NOSTRIN: variants seen among roughly 807,000 people sequenced by gnomAD.
NOSTRIN encodes nitric oxide synthase trafficking, also known as BM247 homolog.
Under a neutral mutation model 59.0 loss-of-function variants are expected in NOSTRIN, and 63 were observed. The observed-to-expected ratio is 1.07, with a 90% CI of 0.87 to 1.32. The LOEUF is 1.32. Among genes scored for constraint, NOSTRIN ranks in the 40% most tolerant of loss-of-function variants. The pLI is 0.00. For missense variants in NOSTRIN, 512 were observed against 473.1 expected (o/e 1.08, Z -0.76); for synonymous variants, 200 against 165.4 (o/e 1.21, Z -1.61).
chr2:168,840,878 T>A (rs2105708379), intron 7 of NOSTRIN, among the ~76,000 whole-genome samples: 1 of 152,280 alleles, frequency 6.6e-6, no homozygotes, highest in South Asian at 2.1e-4. Context: ...ACTACAGATG[T>A]ATGAAATAAG....
At chr2:168,837,283 A>T in intron 7 of NOSTRIN, among the ~76,000 whole-genome samples, 1 of 133,012 alleles carries the variant, frequency 7.5e-6, no homozygotes, top group African/African-American at 2.8e-5. Flanking sequence ...TTTTTTTATA[A>T]TACACTTTTT....
intron 1 of NOSTRIN, among the ~76,000 whole-genome samples, chr2:168,809,677 T>C (rs1208405244): frequency 2.0e-5 from 3 of 150,632 alleles, no homozygotes; most frequent in African/African-American, 4.9e-5. Context: ...AAGGAGGCCT[T>C]AATAGTATCA....
At chr2:168,797,079 C>CTTTTTTTTTTTTTT (rs775176252), upstream of NOSTRIN, among the ~76,000 whole-genome samples, 51 of 75,028 alleles carry the variant, frequency 6.8e-4, 2 homozygotes, top group African/African-American at 1.9e-3. Flanking sequence ...TTTCTTTTTT[C>CTTTTTTTTTTTTTT]TTTTTTTTTT....
At chr2:168,801,250 T>C (rs1218318235), upstream of NOSTRIN, 2 of 150,258 alleles carry the variant, frequency 1.3e-5, no homozygotes, top group African/African-American at 4.9e-5. Flanking sequence ...ACGTTGTTTC[T>C]GGAAGCTTTT....
intron 8 of NOSTRIN, chr2:168,850,788 C>A: frequency 1.3e-6 from 1 of 753,176 alleles, no homozygotes; most frequent in Non-Finnish European, 2.2e-6. Context: ...ATGATTGTGT[C>A]TCAAATGCTT....
chr2:168,852,289 G>T (rs1219214793), intron 10 of NOSTRIN, among the ~76,000 whole-genome samples: 1 of 152,048 alleles, frequency 6.6e-6, no homozygotes, highest in Non-Finnish European at 1.5e-5. Flanking sequence ...GATTATCGGA[G>T]GCTTATTTTG....
chr2:168,830,832 G>A (rs1687319413), intron 5 of NOSTRIN, among the ~76,000 whole-genome samples: 2 of 152,212 alleles, frequency 1.3e-5, no homozygotes, highest in South Asian at 2.1e-4. Context: ...ATGGATTGAC[G>A]TGGAAGATGA....
intron 2 of NOSTRIN, among the ~76,000 whole-genome samples, chr2:168,790,112 G>A (rs3845726): frequency 6.6e-6 from 1 of 152,166 alleles, no homozygotes; most frequent in South Asian, 2.1e-4. Context: ...CAAAGACATC[G>A]CTCTTTGCCT....
At chr2:168,856,184 C>G in intron 11 of NOSTRIN, 1 of 224,142 alleles carries the variant, frequency 4.5e-6, no homozygotes, top group Non-Finnish European at 9.0e-6. Flanking sequence ...ACCAGCACTT[C>G]TCAAATTTCA....
chr2:168,790,343 G>T (rs938981273), intron 2 of NOSTRIN, among the ~76,000 whole-genome samples: 1 of 152,166 alleles, frequency 6.6e-6, no homozygotes, highest in African/African-American at 2.4e-5. Flanking sequence ...CTAGTTTCAA[G>T]GTGTACGTCA....
chr2:168,790,746 A>G (rs538291124), intron 2 of NOSTRIN, among the ~76,000 whole-genome samples: 6 of 152,320 alleles, frequency 3.9e-5, no homozygotes, highest in African/African-American at 1.4e-4. Flanking sequence ...AGGCAGGACA[A>G]TTGGTGGAAC....
In NOSTRIN at chr2:168,813,725, G is replaced by C. The variant is rs75041997; in HGVS notation, c.113+2073G>C. On this transcript the variant is annotated intron_variant, in intron 2 of 15. Transcript: ENST00000317647. ...AATTTGAACATCTCAAGAGTCTACT[G>C]GTTAGCAAAATTACAAAGCACATTC... Among the ~76,000 whole-genome samples, 658 of 152,158 alleles carry C rather than the reference G, an allele frequency of 4.3e-3. 3 individuals are homozygous for C. Among genetic ancestry groups the C allele is most frequent in the Middle Eastern group, 0.024 (7 of 294 alleles).
At chr2:168,858,856 T>C (rs958081638) in intron 12 of NOSTRIN, among the ~76,000 whole-genome samples, 8 of 152,202 alleles carry the variant, frequency 5.3e-5, no homozygotes, top group African/African-American at 1.9e-4. Context: ...GCTTAGATTC[T>C]GTTATTTAAT....
chr2:168,853,943 C>A lies in NOSTRIN; in HGVS notation c.856-1409C>A, dbSNP rs112477530. Among the ~76,000 whole-genome samples the A allele has an allele frequency of 3.8e-3, 582 of 152,348 alleles. 6 individuals carry two copies. The highest frequency in any genetic ancestry group is 0.013 in the African/African-American group (537 of 41,574). Reference sequence around the variant, plus strand: ...AGTGTAGTGGCACAATGTCAGCTCACTGCAACCTCTGCCTCCCGGGTCCAA... The same window carrying A: ...AGTGTAGTGGCACAATGTCAGCTCAATGCAACCTCTGCCTCCCGGGTCCAA... On this transcript the variant is annotated intron_variant, in intron 10 of 15. Transcript: ENST00000317647.
At chr2:168,827,361 T>G (rs1687114117) in intron 3 of NOSTRIN, among the ~76,000 whole-genome samples, 1 of 152,120 alleles carries the variant, frequency 6.6e-6, no homozygotes, top group South Asian at 2.1e-4. Context: ...CTATCTGAGC[T>G]GTTGTCCTCA....
intron 1 of NOSTRIN, among the ~76,000 whole-genome samples, chr2:168,803,912 T>A (rs551586288): frequency 6.6e-6 from 1 of 152,262 alleles, no homozygotes; most frequent in African/African-American, 2.4e-5. Context: ...TGTTAAATCC[T>A]CTCCTGTCTC....
upstream of NOSTRIN, among the ~76,000 whole-genome samples, chr2:168,795,036 CAATA>C (rs1187488633): frequency 2.0e-5 from 3 of 152,238 alleles, no homozygotes; most frequent in African/African-American, 7.2e-5. Context: ...GAAAAAATCA[CAATA>C]AATAACCATT....
At chr2:168,839,927 G>C (rs201648614) in intron 7 of NOSTRIN, among the ~76,000 whole-genome samples, 1 of 99,120 alleles carries the variant, frequency 1.0e-5, no homozygotes, top group African/African-American at 4.3e-5. Flanking sequence ...ATATATGTGT[G>C]TGTGTGTGTG....
chr2:168,828,098 A>G, intron 3 of NOSTRIN, 60 bp from the exon 4 acceptor site: 1 of 862,892 alleles, frequency 1.2e-6, no homozygotes. Flanking sequence ...TCTAGCCAGC[A>G]CATCCTATTT....
Sources: gnomAD v4.1 joint callset for allele counts (sites outside exome capture counted in the v4.1 genomes callset) on GRCh38, gnomAD v4.1.1 for gene constraint, MANE v1.5 for transcripts, NCBI Gene and HGNC (gene_info 2026-07-23, HGNC 2026-07-21) for gene names.